Variants in TTC3 observed in about 807,000 individuals in gnomAD.
TTC3 encodes the protein E3 ubiquitin-protein ligase TTC3.
Under a neutral mutation model 249.6 loss-of-function variants are expected in TTC3, and 180 were observed. The ratio of observed to expected loss-of-function variants is 0.72; its 90% confidence interval spans 0.64 to 0.82. The LOEUF (loss-of-function observed/expected upper bound fraction) is 0.82. TTC3 is among the 40% of genes least tolerant of loss of function. The pLI is 0.00. For synonymous variants in TTC3, 717 were observed against 805.0 expected, an observed-to-expected ratio of 0.89 and a Z score of 1.85; for missense variants, 2,061 against 2,398.4, an observed-to-expected ratio of 0.86 and a Z score of 2.94.
chr21:37,124,109 G>GTTTTTTTTTTTTTTTTTTTTTT (rs1167142816), intron 13 of TTC3, among the ~76,000 whole-genome samples: 1 of 26,158 alleles, frequency 3.8e-5, no homozygotes, highest in Non-Finnish European at 7.7e-5. Flanking sequence ...TTTTTGAACT[G>GTTTTTTTTTTTTTTTTTTTTTT]TTCTTTTTTT....
chr21:37,130,476 C>T (rs1601653644), intron 16 of TTC3, among the ~76,000 whole-genome samples: 1 of 152,192 alleles, frequency 6.6e-6, no homozygotes, highest in East Asian at 1.9e-4. Context: ...CCATATGGGA[C>T]TATTTCTTCA....
chr21:37,111,651 A>G lies in TTC3; in HGVS notation c.900+3205A>G, dbSNP rs370032388. 2.0e-5 allele frequency among the ~76,000 whole-genome samples: 3 copies of G among 152,126 alleles called. No homozygotes were observed. The East Asian group carries it at 5.8e-4, about 29-fold the overall frequency. On this transcript the variant is annotated intron_variant, in intron 11 of 45. Transcript: ENST00000355666. ...ATTAGACAGATCAACGAGACAGAAA[A>G]TTAACAAGGATATCCAGGAATTGAA... is the stretch of plus-strand genomic sequence containing the variant.
intron 11 of TTC3, among the ~76,000 whole-genome samples, chr21:37,116,052 T>C (rs904378365): frequency 6.6e-6 from 1 of 152,234 alleles, no homozygotes; most frequent in Admixed American, 6.5e-5. Flanking sequence ...TGTCTTCCAG[T>C]ATAATATGAG....
exon 39 of TTC3, chr21:37,188,545 C>G: frequency 6.2e-7 from 1 of 1,613,988 alleles, no homozygotes; most frequent in Non-Finnish European, 8.5e-7. Flanking sequence ...AGCTACAGAT[C>G]ATGGAGTCAC....
At chr21:37,105,132 G>A (rs2074950174) in intron 10 of TTC3, among the ~76,000 whole-genome samples, 1 of 152,168 alleles carries the variant, frequency 6.6e-6, no homozygotes, top group Non-Finnish European at 1.5e-5. Context: ...CAGTTACAGT[G>A]GAACTTAGAT....
At chr21:37,151,100 C>G (rs922743015) in intron 25 of TTC3, among the ~76,000 whole-genome samples, 1 of 151,986 alleles carries the variant, frequency 6.6e-6, no homozygotes, top group Non-Finnish European at 1.5e-5. Context: ...AATTATTTAT[C>G]TAGTGGTTGA....
chr21:37,129,238 G>A (rs531318323), intron 16 of TTC3, among the ~76,000 whole-genome samples, 175 bp downstream of exon 16: 1 of 152,184 alleles, frequency 6.6e-6, no homozygotes, highest in African/African-American at 2.4e-5. Context: ...TTTGGCTAAA[G>A]GATTATTAAT....
chr21:37,179,495 T>G (rs1685666737), intron 35 of TTC3, among the ~76,000 whole-genome samples: 1 of 152,198 alleles, frequency 6.6e-6, no homozygotes, highest in African/African-American at 2.4e-5. Context: ...CTCTTATTCT[T>G]TTGTTACTTG....
At position 37,124,388 on chromosome 21, in the gene TTC3, A is replaced by G. The variant is rs151312147; in HGVS notation, c.1110-231A>G. Among the ~76,000 whole-genome samples, 224 of 152,210 alleles carry G rather than the reference A, an allele frequency of 1.5e-3. 2 individuals are homozygous for G. Among genetic ancestry groups the G allele is most frequent in the African/African-American group, 4.9e-3 (205 of 41,546 alleles). On this transcript the variant is annotated intron_variant, in intron 13 of 45. Coordinates refer to ENST00000355666, the Ensembl canonical transcript of TTC3. ...TGCCCTGGGCTCCCAAAGTGCTGGA[A>G]TTACAGGCGTGAACCACTGCACCCA...
chr21:37,187,055 A>T, exon 38 of TTC3: 1 of 1,534,906 alleles, frequency 6.5e-7, no homozygotes, highest in Non-Finnish European at 8.7e-7. Flanking sequence ...GTAGCAACAC[A>T]CTTACAAATG....
chr21:37,104,456 G>A (rs1460874095), intron 10 of TTC3, among the ~76,000 whole-genome samples: 2 of 152,098 alleles, frequency 1.3e-5, no homozygotes, highest in Non-Finnish European at 2.9e-5. Flanking sequence ...TGGGCGTGGT[G>A]GTAGGTGCTT....
intron 11 of TTC3, among the ~76,000 whole-genome samples, chr21:37,120,512 T>G (rs751897753): frequency 1.8e-4 from 28 of 152,214 alleles, no homozygotes; most frequent in Non-Finnish European, 3.4e-4. Flanking sequence ...TATTTAAACT[T>G]TGAAGTCCGT....
intron 37 of TTC3, among the ~76,000 whole-genome samples, chr21:37,186,515 C>T (rs894477289): frequency 1.1e-4 from 16 of 152,142 alleles, no homozygotes; most frequent in Admixed American, 2.6e-4. Flanking sequence ...AGTCATTGCT[C>T]ACTGCAGACA....
intron 9 of TTC3, 152 bp from the exon 10 acceptor site, chr21:37,096,429 G>T: frequency 1.9e-6 from 1 of 527,890 alleles, no homozygotes. Flanking sequence ...CGGGGACTTC[G>T]CCAGTTAAGA....
At position 37,200,242 on chromosome 21, in the gene TTC3, C is replaced by G. The variant is rs768838751; in HGVS notation, c.5861C>G (p.Ala1954Gly). The change falls in exon 45 of 46, where the codon GCA becomes GGA. Residue 1954 changes from alanine (A) to glycine (G), a missense_variant. This residue lies in a region of TTC3 where 1,040 missense variants were observed against 1,186.1 expected (regional missense o/e 0.88). Coordinates refer to ENST00000355666, the Ensembl canonical transcript of TTC3. ...TGTTTGTTTCCACAGGCACTGGGTG[C>G]AAGTTCCTGTGAAATATGCCACGAG... The G allele has an allele frequency of 6.2e-6, 10 of 1,614,166 alleles. No homozygotes were observed. Among genetic ancestry groups the G allele is most frequent in the Admixed American group, 1.7e-5 (1 of 60,022 alleles).
chr21:37,156,068 G>T (rs1187816622), intron 27 of TTC3, among the ~76,000 whole-genome samples: 1 of 150,384 alleles, frequency 6.6e-6, no homozygotes, highest in Non-Finnish European at 1.5e-5. Context: ...ATAGGGTCTT[G>T]CCCCATCACC....
At chr21:37,105,382 A>G (rs892080629) in intron 10 of TTC3, among the ~76,000 whole-genome samples, 5 of 152,194 alleles carry the variant, frequency 3.3e-5, no homozygotes, top group African/African-American at 1.2e-4. Flanking sequence ...TGGCTCAACA[A>G]TGTCATCAGA....
chr21:37,079,517 GTTTTTTTTTTTTTTTT>G (rs60361476), intron 1 of TTC3, among the ~76,000 whole-genome samples: 7 of 91,230 alleles, frequency 7.7e-5, no homozygotes, highest in South Asian at 3.9e-4. Context: ...TTATGGTATG[GTTTTTTTTTTTTTTTT>G]TTTTTTTTTT....
chr21:37,202,200 C>G (rs2085558847), exon 46 of TTC3: 1 of 152,050 alleles, frequency 6.6e-6, no homozygotes. Flanking sequence ...TTTATGTTCC[C>G]CCGTTAGATT....
Sources: gnomAD v4.1 joint callset for allele counts (sites outside exome capture counted in the v4.1 genomes callset) on GRCh38, gnomAD v4.1.1 for gene constraint, gnomAD v4.1.1 regional missense constraint, MANE v1.5 for transcripts, NCBI Gene and HGNC (gene_info 2026-07-23, HGNC 2026-07-21) for gene names.